Variants in SYCP1 observed in about 807,000 individuals in gnomAD.
The protein encoded by SYCP1 is synaptonemal complex protein 1, also known as cancer/testis antigen 8.
Under a neutral mutation model 153.1 loss-of-function variants are expected in SYCP1, and 64 were observed. The observed-to-expected ratio is 0.42, with a 90% CI of 0.34 to 0.51. The LOEUF is 0.51. SYCP1 is among the 20% of genes least tolerant of loss of function. The probability of loss-of-function intolerance (pLI) is 0.06; values close to 1 mark genes in which losing one functional copy is unlikely to be tolerated. For missense variants in SYCP1, 997 were observed against 1,049.0 expected (o/e 0.95, Z 0.68); for synonymous variants, 384 against 341.8 (o/e 1.12, Z -1.36).
intron 27 of SYCP1, among the ~76,000 whole-genome samples, chr1:114,974,621 G>A (rs1307725471): frequency 6.6e-6 from 1 of 151,748 alleles, no homozygotes; most frequent in African/African-American, 2.4e-5. Context: ...ATTTCACTTA[G>A]CATAATGTCC....
intron 16 of SYCP1, among the ~76,000 whole-genome samples, chr1:114,904,349 C>T (rs551195507): frequency 2.0e-5 from 3 of 152,228 alleles, no homozygotes; most frequent in Admixed American, 2.0e-4. Context: ...ATCTCCTGAC[C>T]TTGTGATCTG....
chr1:114,947,190 A>G, intron 26 of SYCP1, 56 bp from the exon 27 acceptor site: 1 of 1,294,412 alleles, frequency 7.7e-7, no homozygotes, highest in Admixed American at 1.9e-5. Flanking sequence ...TTATATTTTC[A>G]TTGTCTTGAG....
At chr1:114,928,246 C>A (rs974197507) in intron 23 of SYCP1, among the ~76,000 whole-genome samples, 11 of 152,030 alleles carry the variant, frequency 7.2e-5, no homozygotes, top group African/African-American at 2.7e-4. Flanking sequence ...GCAGTCATAT[C>A]TTAGTCAAAG....
At chr1:114,949,725 TC>T (rs1391465867) in intron 27 of SYCP1, among the ~76,000 whole-genome samples, 1 of 152,224 alleles carries the variant, frequency 6.6e-6, no homozygotes, top group Non-Finnish European at 1.5e-5. Flanking sequence ...ACTATTCTGT[TC>T]TTTTCTTAAG....
At chr1:114,917,558 C>A (rs1236591395) in intron 20 of SYCP1, among the ~76,000 whole-genome samples, 1 of 152,130 alleles carries the variant, frequency 6.6e-6, no homozygotes, top group African/African-American at 2.4e-5. Flanking sequence ...AACCTCCAAG[C>A]CATTCTCCAT....
intron 27 of SYCP1, among the ~76,000 whole-genome samples, chr1:114,971,913 AG>A (rs1672511881): frequency 6.6e-6 from 1 of 152,098 alleles, no homozygotes; most frequent in African/African-American, 2.4e-5. Context: ...TTTTGGTTTA[AG>A]GGTACTACTG....
chr1:114,866,508 TC>T, intron 8 of SYCP1, among the ~76,000 whole-genome samples: 1 of 152,280 alleles, frequency 6.6e-6, no homozygotes, highest in South Asian at 2.1e-4. Context: ...AAGGTCTTTG[TC>T]CCATTTTTTA....
chr1:114,989,857 C>T (rs1354749572), intron 30 of SYCP1, among the ~76,000 whole-genome samples: 1 of 151,860 alleles, frequency 6.6e-6, no homozygotes, highest in Non-Finnish European at 1.5e-5. Context: ...ATATATGAAG[C>T]AAAACTTCAT....
chr1:114,876,693 A>T, intron 10 of SYCP1, 44 bp from the exon 11 acceptor site: 1 of 1,030,464 alleles, frequency 9.7e-7, no homozygotes. Context: ...AAATGTTATA[A>T]AATTATGTTA....
At chr1:114,908,181 ATT>A (rs201572651) in intron 16 of SYCP1, among the ~76,000 whole-genome samples, 520 of 140,984 alleles carry the variant, frequency 3.7e-3, no homozygotes, top group Non-Finnish European at 5.4e-3. Flanking sequence ...TTCTGGAAGG[ATT>A]TTTTTTTTTT....
intron 27 of SYCP1, among the ~76,000 whole-genome samples, chr1:114,960,365 G>T (rs558103479): frequency 6.6e-6 from 1 of 152,004 alleles, no homozygotes; most frequent in African/African-American, 2.4e-5. Flanking sequence ...ATGGGGTTTT[G>T]CCATGTTGGC....
chr1:114,986,140 T>G (rs181509775), intron 30 of SYCP1, among the ~76,000 whole-genome samples: 1 of 151,974 alleles, frequency 6.6e-6, no homozygotes, highest in Non-Finnish European at 1.5e-5. Context: ...CAATCCCCCA[T>G]GGATACTAAG....
chr1:114,904,222 T>A (rs755559119), intron 16 of SYCP1, among the ~76,000 whole-genome samples: 19 of 151,914 alleles, frequency 1.3e-4, no homozygotes, highest in Non-Finnish European at 1.8e-4. Flanking sequence ...ATTCATGCCA[T>A]TCTCCTGTCT....
At chr1:114,906,401 C>T (rs1395893236) in intron 16 of SYCP1, among the ~76,000 whole-genome samples, 2 of 150,376 alleles carry the variant, frequency 1.3e-5, no homozygotes, top group African/African-American at 4.9e-5. Context: ...TTATTATTTC[C>T]TTCCTTCTGC....
At position 114,953,669 on chromosome 1, in the gene SYCP1, T is replaced by A. The variant is rs1444615369; in HGVS notation, c.2322+6349T>A. ...TCTGTTCCATTGATCTATGTGTCTCTTCACCAATATCACTGCCATGCTTAC... is the reference window on the plus strand; with the variant it reads ...TCTGTTCCATTGATCTATGTGTCTCATCACCAATATCACTGCCATGCTTAC... On this transcript the variant is annotated intron_variant, in intron 27 of 31. Transcript: ENST00000369522. 4.6e-5 allele frequency among the ~76,000 whole-genome samples: 7 copies of A among 152,232 alleles called. 1 individual carries two copies. The East Asian group carries it at 1.3e-3, about 29-fold the overall frequency.
intron 23 of SYCP1, among the ~76,000 whole-genome samples, chr1:114,932,392 C>G (rs1669690266): frequency 6.6e-6 from 1 of 152,084 alleles, no homozygotes; most frequent in African/African-American, 2.4e-5. Flanking sequence ...AGGCAAAAGA[C>G]TGTAAAATAA....
chr1:114,879,694 A>G (rs1025709145), intron 12 of SYCP1, among the ~76,000 whole-genome samples: 9 of 152,214 alleles, frequency 5.9e-5, no homozygotes, highest in African/African-American at 2.2e-4. Context: ...AAAAATTAAT[A>G]AATAACTGTA....
chr1:114,871,636 G>T (rs1207801729), intron 8 of SYCP1, among the ~76,000 whole-genome samples: 1 of 152,076 alleles, frequency 6.6e-6, no homozygotes, highest in Non-Finnish European at 1.5e-5. Flanking sequence ...GCAGTGGCAT[G>T]ATCCTGGCTC....
intron 27 of SYCP1, among the ~76,000 whole-genome samples, chr1:114,954,340 GA>G (rs1671296364): frequency 6.6e-6 from 1 of 151,926 alleles, no homozygotes; most frequent in African/African-American, 2.4e-5. Flanking sequence ...TTAGTGTACA[GA>G]AACATGATTG....
Sources: allele counts gnomAD v4.1 joint callset (sites outside exome capture counted in the v4.1 genomes callset), GRCh38; gene constraint gnomAD v4.1.1; transcripts MANE v1.5; gene names NCBI Gene and HGNC (gene_info 2026-07-23, HGNC 2026-07-21).